SPMIP2: variants seen among roughly 807,000 people sequenced by gnomAD.
SPMIP2 encodes sperm microtubule inner protein 2.
At chr4:158,950,366 T>G in the SPMIP2 span, among the ~76,000 whole-genome samples, 2 of 152,228 alleles carry the variant, frequency 1.3e-5, no homozygotes, top group Non-Finnish European at 2.9e-5. Flanking sequence ...AAGGAAGTCC[T>G]CATCACTTGA....
the SPMIP2 span, among the ~76,000 whole-genome samples, chr4:159,010,078 C>T: frequency 2.0e-5 from 3 of 152,146 alleles, no homozygotes; most frequent in East Asian, 1.9e-4. Flanking sequence ...GGCAAAATCC[C>T]GGTGCTGAAA....
chr4:158,988,947 T>C, the SPMIP2 span, among the ~76,000 whole-genome samples: 16 of 152,170 alleles, frequency 1.1e-4, no homozygotes, highest in East Asian at 2.7e-3. Flanking sequence ...ACTCAAATTG[T>C]CTGTTTGCAG....
chr4:158,903,025 T>C, the SPMIP2 span, among the ~76,000 whole-genome samples: 2 of 152,132 alleles, frequency 1.3e-5, no homozygotes, highest in African/African-American at 4.8e-5. Flanking sequence ...CGGGTGCCAC[T>C]GAGGTATGGA....
chr4:158,959,782 G>A, the SPMIP2 span, among the ~76,000 whole-genome samples: 1 of 152,056 alleles, frequency 6.6e-6, no homozygotes, highest in African/African-American at 2.4e-5. Flanking sequence ...CATGCTGTGA[G>A]CTACCCATGT....
the SPMIP2 span, among the ~76,000 whole-genome samples, chr4:158,982,288 C>A: frequency 6.6e-6 from 1 of 152,128 alleles, no homozygotes; most frequent in African/African-American, 2.4e-5. Context: ...GAGTCTAACA[C>A]CCCACCATTA....
chr4:159,079,459 C>A, the SPMIP2 span, among the ~76,000 whole-genome samples: 1 of 152,146 alleles, frequency 6.6e-6, no homozygotes, highest in South Asian at 2.1e-4. Context: ...TCCAGAACTG[C>A]GAGAAATAAA....
chr4:159,063,121 G>C, the SPMIP2 span, among the ~76,000 whole-genome samples: 1 of 152,136 alleles, frequency 6.6e-6, no homozygotes, highest in Admixed American at 6.5e-5. Flanking sequence ...TAAGATGTTA[G>C]GGTGGCTTCA....
chr4:159,077,973 T>A, the SPMIP2 span, among the ~76,000 whole-genome samples: 1 of 152,140 alleles, frequency 6.6e-6, no homozygotes, highest in Admixed American at 6.5e-5. Flanking sequence ...ATCAAGAGTC[T>A]CAAGTTTATA....
chr4:159,050,293 A>T, the SPMIP2 span, among the ~76,000 whole-genome samples: 1 of 149,384 alleles, frequency 6.7e-6, no homozygotes, highest in African/African-American at 2.5e-5. Context: ...ACTTGAGGAC[A>T]GGCCTGCTGT....
At chr4:158,989,924 C>T in the SPMIP2 span, among the ~76,000 whole-genome samples, 1 of 152,086 alleles carries the variant, frequency 6.6e-6, no homozygotes, top group African/African-American at 2.4e-5. Context: ...GCAAAAGAAA[C>T]TATTATCAGA....
At chr4:159,068,578 T>C in the SPMIP2 span, among the ~76,000 whole-genome samples, 1 of 151,562 alleles carries the variant, frequency 6.6e-6, no homozygotes, top group Non-Finnish European at 1.5e-5. Flanking sequence ...AGTTAATGGG[T>C]GCAGCACACC....
the SPMIP2 span, among the ~76,000 whole-genome samples, chr4:158,930,908 C>T: frequency 7.0e-6 from 1 of 143,486 alleles, no homozygotes; most frequent in African/African-American, 2.6e-5. Context: ...AATCTTTGAG[C>T]TTATCTTACT....
At chr4:158,986,782 G>A in the SPMIP2 span, among the ~76,000 whole-genome samples, 1 of 151,854 alleles carries the variant, frequency 6.6e-6, no homozygotes, top group South Asian at 2.1e-4. Flanking sequence ...TTGACAAATG[G>A]GATCTAATCA....
the SPMIP2 span, among the ~76,000 whole-genome samples, chr4:158,901,128 A>ATTTTTTTTTTTTTTTTTTTTTTTT: frequency 8.9e-6 from 1 of 112,302 alleles, no homozygotes; most frequent in Non-Finnish European, 1.7e-5. Context: ...CTGGGTTGAA[A>ATTTTTTTTTTTTTTTTTTTTTTTT]TTTTTTTTTT....
At chr4:159,026,648 A>G in the SPMIP2 span, 3 of 288,940 alleles carry the variant, frequency 1.0e-5, no homozygotes, top group Admixed American at 4.7e-5. Flanking sequence ...TATCACAAAC[A>G]TTTTACATGC....
the SPMIP2 span, among the ~76,000 whole-genome samples, chr4:158,982,246 G>A: frequency 6.6e-6 from 1 of 152,154 alleles, no homozygotes; most frequent in African/African-American, 2.4e-5. Flanking sequence ...ACCTTACAAA[G>A]AGATGTAAAG....
chr4:158,936,928 G>A, the SPMIP2 span, among the ~76,000 whole-genome samples: 2 of 152,202 alleles, frequency 1.3e-5, no homozygotes, highest in African/African-American at 4.8e-5. Context: ...TTCCAAAACT[G>A]GAGGTTAGGC....
chr4:158,981,081 C>T, the SPMIP2 span, among the ~76,000 whole-genome samples: 11 of 151,874 alleles, frequency 7.2e-5, no homozygotes, highest in Middle Eastern at 3.4e-3. Flanking sequence ...ATAGCCGAAT[C>T]GATAAAGCAG....
At chr4:159,006,233 G>T in the SPMIP2 span, among the ~76,000 whole-genome samples, 1 of 152,218 alleles carries the variant, frequency 6.6e-6, no homozygotes, top group Non-Finnish European at 1.5e-5. Flanking sequence ...TGGAAAACTT[G>T]TTGCAATATT....
Sources: allele counts gnomAD v4.1 joint callset (sites outside exome capture counted in the v4.1 genomes callset), GRCh38; gene constraint gnomAD v4.1.1; transcripts MANE v1.5; gene names NCBI Gene and HGNC (gene_info 2026-07-23, HGNC 2026-07-21).